The following COL18A1 variants were observed in gnomAD, a reference collection of about 807,000 sequenced individuals.
COL18A1 encodes the protein collagen alpha-1(XVIII) chain.
A neutral mutation model predicts 168.0 loss-of-function variants in COL18A1; 133 were observed. The observed-to-expected ratio is 0.79, with a 90% CI of 0.69 to 0.91. COL18A1 has a LOEUF of 0.91. Among genes scored for constraint, COL18A1 ranks in the 40% least tolerant of loss-of-function variants. The probability of loss-of-function intolerance (pLI) is 0.00; values close to 1 mark genes in which losing one functional copy is unlikely to be tolerated. For missense variants in COL18A1, 2,126 were observed against 1,925.4 expected (o/e 1.10, Z -1.95); for synonymous variants, 949 against 809.0 (o/e 1.17, Z -2.94).
intron 2 of COL18A1, among the ~76,000 whole-genome samples, chr21:45,414,642 C>T (rs77191150): frequency 0.062 from 9,402 of 152,266 alleles, 632 homozygotes; most frequent in African/African-American, 0.17. Context: ...GAGGGCCTCA[C>T]GGACAGCCAG....
In COL18A1 at chr21:45,510,179, C is replaced by G. The variant is rs1319860336; in HGVS notation, c.3611C>G (p.Ala1204Gly). 3 of 1,597,146 alleles carry G rather than the reference C, an allele frequency of 1.9e-6. No individual in the cohort carries two copies. The highest frequency in any genetic ancestry group is 2.6e-6 in the Non-Finnish European group (3 of 1,172,972). ...GTGGGGCTGGCGGGCACCTTCCGCGCCTTCCTGTCCTCGCGCCTGCAGGAC... is the reference window on the plus strand; with the variant it reads ...GTGGGGCTGGCGGGCACCTTCCGCGGCTTCCTGTCCTCGCGCCTGCAGGAC... ...RAVGLAGTFR[A>G]FLSSRLQDLY... The change falls in exon 40 of 42, where the codon GCC becomes GGC. Residue 1204 changes from alanine (A) to glycine (G), a missense_variant. By Grantham distance (60) the Ala-to-Gly change is moderately conservative. Coordinates refer to ENST00000651438, the MANE Select transcript of COL18A1 (RefSeq NM_001379500.1).
rs73909534 is a variant in COL18A1 at position 45,445,151 on chromosome 21, A to G, written c.107-23091A>G. On this transcript the variant is annotated intron_variant, in intron 2 of 41. Transcript: ENST00000651438. ...CTCCCTCCAGTCCTGGCCACCGGTCATCTCCTTTCTGTCCCTGGGTTCCGT... is the reference window on the plus strand; with the variant it reads ...CTCCCTCCAGTCCTGGCCACCGGTCGTCTCCTTTCTGTCCCTGGGTTCCGT... 5.4e-3 allele frequency among the ~76,000 whole-genome samples: 827 copies of G among 152,310 alleles called. 12 individuals are homozygous for G. The highest frequency in any genetic ancestry group is 0.019 in the African/African-American group (799 of 41,570).
At chr21:45,493,329 C>A in intron 25 of COL18A1, 104 bp downstream of exon 25, 1 of 1,371,894 alleles carries the variant, frequency 7.3e-7, no homozygotes, top group Non-Finnish European at 1.0e-6. Flanking sequence ...CCCCCGGCTG[C>A]TGCTGTGACA....
intron 22 of COL18A1, among the ~76,000 whole-genome samples, chr21:45,491,999 C>T (rs532283191): frequency 1.5e-4 from 23 of 152,342 alleles, no homozygotes; most frequent in African/African-American, 4.3e-4. Flanking sequence ...GAGCAGGCAC[C>T]GTCAGCTGTG....
At chr21:45,456,012 C>G in intron 2 of COL18A1, 1 of 1,612,582 alleles carries the variant, frequency 6.2e-7, no homozygotes, top group Non-Finnish European at 8.5e-7. Flanking sequence ...TCCAGCACCC[C>G]CCAGGAGAAT....
chr21:45,453,246 A>C (rs1219014703), intron 2 of COL18A1, among the ~76,000 whole-genome samples: 1 of 152,122 alleles, frequency 6.6e-6, no homozygotes, highest in Admixed American at 6.5e-5. Flanking sequence ...GTGTATGCAT[A>C]TGAGCATTCA....
At chr21:45,496,917 G>A (rs954594448) in intron 30 of COL18A1, 133 bp from the exon 31 acceptor site, 55 of 719,156 alleles carry the variant, frequency 7.6e-5, no homozygotes, top group Middle Eastern at 3.4e-4. Context: ...GTTCCCTCCC[G>A]TCTCTGACTG....
intron 2 of COL18A1, among the ~76,000 whole-genome samples, chr21:45,448,028 G>C (rs1466354313): frequency 1.3e-5 from 2 of 152,164 alleles, no homozygotes; most frequent in Non-Finnish European, 2.9e-5. Context: ...GACATGGATC[G>C]AGGTCTGAAA....
Position 45,498,367 on chromosome 21 carries a change from C to T in COL18A1, c.2683+706C>T. On this transcript the variant is annotated intron_variant, in intron 32 of 41. Coordinates refer to ENST00000651438, the MANE Select transcript of COL18A1 (RefSeq NM_001379500.1). The surrounding 1 kb of genome is among the most constrained non-coding windows in gnomAD (Gnocchi z 4.5). ...TCACCGCCAGGGTTCCCTCTCGCCA[C>T]CACGGTCCCCTCTCGCCGCCAGGGT... The T allele has an allele frequency of 3.0e-6, 2 of 656,316 alleles. No homozygotes were observed. Among genetic ancestry groups the T allele is most frequent in the Non-Finnish European group, 5.7e-6 (2 of 353,462 alleles). The allele number at this position is 656,316 out of a possible 1,614,324, so 40.7% of individuals were successfully genotyped here.
At chr21:45,492,600 CGGGGACCTGGGTACAAGGCTGGGT>C in intron 23 of COL18A1, 36 bp downstream of exon 23, 1 of 1,612,498 alleles carries the variant, frequency 6.2e-7, no homozygotes, top group Non-Finnish European at 8.5e-7. Context: ...GACGGGCCTG[CGGGGACCTGGGTACAAGGCTGGGT>C]GGGGTCCGGG....
At chr21:45,480,194 GC>G in intron 11 of COL18A1, 38 bp downstream of exon 11, 1 of 1,275,360 alleles carries the variant, frequency 7.8e-7, no homozygotes. Flanking sequence ...CCCGGGGTCT[GC>G]CCTCCTCAAA....
Position 45,463,325 on chromosome 21 carries a change from C to T in COL18A1, c.107-4917C>T, listed in dbSNP as rs903326794. Among the ~76,000 whole-genome samples, 12 of 152,190 alleles carry T rather than the reference C, an allele frequency of 7.9e-5. No individual in the cohort carries two copies. The highest frequency in any genetic ancestry group is 2.9e-4 in the African/African-American group (12 of 41,426). The stretch of plus-strand genomic sequence containing the variant: ...CTGTGTGGCTGCTGCTCCAGGAACT[C>T]GTGCATGGCACCTGCTATGGGAATG... On this transcript the variant is annotated intron_variant, in intron 2 of 41. Transcript: ENST00000651438. This position sits in a 1 kb window ranked among gnomAD's most constrained non-coding sequence, Gnocchi z 4.0.
intron 32 of COL18A1, among the ~76,000 whole-genome samples, chr21:45,501,959 G>A (rs766738223): frequency 0.02 from 944 of 48,338 alleles, 41 homozygotes; most frequent in Non-Finnish European, 0.021. Context: ...AGGGGCCTCC[G>A]CAGCCGGTCA....
At chr21:45,512,150 A>C in intron 41 of COL18A1, 38 bp from the exon 42 acceptor site, 1 of 1,589,004 alleles carries the variant, frequency 6.3e-7, no homozygotes, top group Non-Finnish European at 8.6e-7. Context: ...TAAGCAGAGC[A>C]GGTCTGGGTT....
At chr21:45,492,664 TGA>T in intron 23 of COL18A1, 21 bp from the exon 24 acceptor site, 1 of 1,611,620 alleles carries the variant, frequency 6.2e-7, no homozygotes, top group Non-Finnish European at 8.5e-7. Flanking sequence ...TGACCCCAGC[TGA>T]CGCCGTCCCT....
At position 45,468,671 on chromosome 21, in the gene COL18A1, A is replaced by C. The variant is rs1266005857; in HGVS notation, c.536A>C (p.Asp179Ala). The change falls in exon 3 of 42, where the codon GAC (aspartate) becomes GCC (alanine). Residue 179 changes from aspartate (D) to alanine (A), a missense_variant. By Grantham distance (126) the Asp-to-Ala change is moderately radical. Transcript: ENST00000651438. Reference sequence around the variant, plus strand: ...GGTGGCTTTGTGGCCCTCTACGTGGACTGTGAGGAGTTCCAGAGAATGCCG... The same window carrying C: ...GGTGGCTTTGTGGCCCTCTACGTGGCCTGTGAGGAGTTCCAGAGAATGCCG... ...VAGGFVALYV[D>A]CEEFQRMPLA... 1 of 1,613,896 alleles carries C rather than the reference A, an allele frequency of 6.2e-7. No homozygotes were observed. Among genetic ancestry groups the C allele is most frequent in the Admixed American group, 1.7e-5 (1 of 60,034 alleles).
At chr21:45,495,127 GA>G in intron 28 of COL18A1, 1 of 645,276 alleles carries the variant, frequency 1.5e-6, no homozygotes, top group Non-Finnish European at 2.8e-6. Flanking sequence ...GGAAGCCCTG[GA>G]GGCAGACAGG....
rs1568895572 is a variant in COL18A1, at chr21:45,471,001, T to TGGGCCTGGGTGGCGTGCTACG, written c.651+2218_651+2238dup. The stretch of plus-strand genomic sequence containing the variant: ...TGGCGCGCTACAGGCTTCGTGCTGC[T>TGGGCCTGGGTGGCGTGCTACG]GGGCCTGGGTGGCGTGCTACGGGCT... On this transcript the variant is annotated intron_variant, in intron 3 of 41. Coordinates refer to ENST00000651438, the MANE Select transcript of COL18A1 (RefSeq NM_001379500.1). This position sits in a 1 kb window ranked among gnomAD's most constrained non-coding sequence, Gnocchi z 4.4. Among the ~76,000 whole-genome samples the TGGGCCTGGGTGGCGTGCTACG allele has an allele frequency of 7.0e-6, 1 of 141,894 alleles. No individual in the cohort carries two copies. Among genetic ancestry groups the TGGGCCTGGGTGGCGTGCTACG allele is most frequent in the Non-Finnish European group, 1.5e-5 (1 of 66,280 alleles). 93.1% of individuals were successfully genotyped at this position (141,894 alleles called of 152,430 possible).
chr21:45,503,852 A>G, intron 32 of COL18A1, 159 bp from the exon 33 acceptor site: 3 of 548,100 alleles, frequency 5.5e-6, no homozygotes, highest in Non-Finnish European at 6.6e-6. Context: ...AACATCAGAA[A>G]GTATCGGTTA....
Sources: allele counts gnomAD v4.1 joint callset (sites outside exome capture counted in the v4.1 genomes callset), GRCh38; gene constraint gnomAD v4.1.1; non-coding constraint Gnocchi (gnomAD v3.1); transcripts MANE v1.5; gene names NCBI Gene and HGNC (gene_info 2026-07-23, HGNC 2026-07-21).